INTS8: variants seen among roughly 807,000 people sequenced by gnomAD.
INTS8 encodes the protein protein kaonashi-1.
A neutral mutation model predicts 138.9 loss-of-function variants in INTS8; 47 were observed. The observed-to-expected ratio is 0.34, with a 90% CI of 0.27 to 0.43. The LOEUF is 0.43. INTS8 is among the 20% of genes least tolerant of loss of function. The probability of loss-of-function intolerance (pLI) is 1.00; values close to 1 mark genes in which losing one functional copy is unlikely to be tolerated. For synonymous variants in INTS8, 392 were observed against 400.9 expected, an observed-to-expected ratio of 0.98 and a Z score of 0.27; for missense variants, 996 against 1,173.0, an observed-to-expected ratio of 0.85 and a Z score of 2.20.
intron 15 of INTS8, among the ~76,000 whole-genome samples, chr8:94,858,125 TAGTTA>T (rs1815821218): frequency 6.6e-6 from 1 of 152,210 alleles, no homozygotes; most frequent in African/African-American, 2.4e-5. Context: ...AAATCTTTCT[TAGTTA>T]AAGCCGTTTC....
chr8:94,854,466 A>G (rs1815672272), intron 14 of INTS8, among the ~76,000 whole-genome samples: 1 of 152,212 alleles, frequency 6.6e-6, no homozygotes, highest in Non-Finnish European at 1.5e-5. Flanking sequence ...TGTATTCTTT[A>G]GGATTCAGCT....
intron 16 of INTS8, among the ~76,000 whole-genome samples, chr8:94,862,853 C>T (rs1395806900): frequency 6.6e-6 from 1 of 151,402 alleles, no homozygotes; most frequent in Admixed American, 6.6e-5. Context: ...GTGGAATGCA[C>T]CACACACACA....
chr8:94,841,601 T>C lies in INTS8; in HGVS notation c.1118+10T>C. Reference sequence around the variant, plus strand: ...AGAAAGCTCAACAGGGGTAAGTAAGTTGAAAAATTACTTCTTGATTTTTGA... The same window carrying C: ...AGAAAGCTCAACAGGGGTAAGTAAGCTGAAAAATTACTTCTTGATTTTTGA... On this transcript the variant is annotated intron_variant, in intron 9 of 26. Transcript: ENST00000523731. The C allele has an allele frequency of 7.1e-7, 1 of 1,407,982 alleles. No homozygotes were observed. The highest frequency in any genetic ancestry group is 9.9e-7 in the Non-Finnish European group (1 of 1,012,154). The allele number at this position is 1,407,982 out of a possible 1,614,324, so 87.2% of individuals were successfully genotyped here. A position where few individuals can be genotyped will look rare whatever the true frequency, so the allele number is the denominator to read the frequency against.
chr8:94,860,282 T>TA (rs11452775), intron 16 of INTS8: 77,484 of 149,042 alleles, frequency 0.52, 20,074 homozygotes, highest in East Asian at 0.65. Flanking sequence ...GTTTTACAGT[T>TA]AAAAAAAAAA....
intron 6 of INTS8, among the ~76,000 whole-genome samples, chr8:94,835,787 A>G (rs1176624434): frequency 6.6e-6 from 1 of 152,016 alleles, no homozygotes; most frequent in Non-Finnish European, 1.5e-5. Context: ...TTTAGTAGAG[A>G]TAGGGTTTCA....
intron 15 of INTS8, 75 bp from the exon 16 acceptor site, chr8:94,859,436 C>A: frequency 2.1e-6 from 3 of 1,436,380 alleles, no homozygotes; most frequent in Non-Finnish European, 1.9e-6. Context: ...CAGTTGAAAT[C>A]TGAGCAAGTA....
intron 18 of INTS8, 82 bp from the exon 19 acceptor site, chr8:94,867,058 T>A: frequency 9.6e-7 from 1 of 1,044,320 alleles, no homozygotes; most frequent in Non-Finnish European, 1.4e-6. Context: ...TTTAGAATGC[T>A]TGATGTCTGT....
In INTS8 at chr8:94,842,351, G is replaced by A; in HGVS notation, c.1123G>A (p.Glu375Lys). ...ATCTACTTTTGTATTCTACAGAAAT[G>A]AAGCTCTAGATGAAATCTGTTTTAA... is the stretch of plus-strand genomic sequence containing the variant. ...ELFKKAQQGN[E>K]ALDEICFKVC... The change falls in exon 10 of 27, where the codon GAA (glutamate) becomes AAA (lysine). Residue 375 changes from glutamate (E) to lysine (K), a missense_variant. By Grantham distance (56) the Glu-to-Lys change is moderately conservative (BLOSUM62 1). Transcript: ENST00000523731. 1 of 1,574,376 alleles carries A rather than the reference G, an allele frequency of 6.4e-7. No individual in the cohort carries two copies.
At chr8:94,869,998 C>T (rs554867591) in intron 20 of INTS8, among the ~76,000 whole-genome samples, 1 of 152,076 alleles carries the variant, frequency 6.6e-6, no homozygotes, top group Non-Finnish European at 1.5e-5. Flanking sequence ...TGTTCCCCAT[C>T]TCTAAAATAG....
chr8:94,879,830 A>G (rs924004657), intron 26 of INTS8: 4 of 190,006 alleles, frequency 2.1e-5, no homozygotes, highest in Admixed American at 1.8e-4. Flanking sequence ...ATCGCCATGT[A>G]GAGCTTACTT....
intron 10 of INTS8, among the ~76,000 whole-genome samples, chr8:94,848,579 A>G (rs1815416691): frequency 6.6e-6 from 1 of 152,202 alleles, no homozygotes; most frequent in Admixed American, 6.5e-5. Context: ...TGGAACTATG[A>G]AATAGATGAT....
At position 94,859,948 on chromosome 8, in the gene INTS8, G is replaced by T. The variant is rs555540155; in HGVS notation, c.2076+316G>T. 6.6e-4 allele frequency: 133 copies of T among 202,666 alleles called. 1 individual carries two copies. The highest frequency in any genetic ancestry group is 6.5e-3 in the Middle Eastern group (3 of 460). The allele number at this position is 202,666 out of a possible 1,614,324, so 12.6% of individuals were successfully genotyped here. ...GTTGCTCTAATCACACTCTAGAACT[G>T]ATGGAGTCCGTCAGGGATGCACTTC... On this transcript the variant is annotated intron_variant, in intron 16 of 26. Coordinates refer to ENST00000523731, the MANE Select transcript of INTS8 (RefSeq NM_017864.4).
At chr8:94,860,567 G>A (rs35106232) in intron 16 of INTS8, among the ~76,000 whole-genome samples, 89,525 of 123,284 alleles carry the variant, frequency 0.73, 31,486 homozygotes, top group Middle Eastern at 0.84. Context: ...CAACAAGAGC[G>A]AAACTCTACC....
intron 2 of INTS8, 25 bp from the exon 3 acceptor site, chr8:94,827,238 A>C (rs1377477025): frequency 6.2e-7 from 1 of 1,606,824 alleles, no homozygotes; most frequent in African/African-American, 1.3e-5. Context: ...TTAATGTGCA[A>C]ACATGTACGT....
rs1053006044 is a variant in INTS8, at chr8:94,829,967, G to C, written c.570+941G>C. On this transcript the variant is annotated intron_variant, in intron 5 of 26. Coordinates refer to ENST00000523731, the MANE Select transcript of INTS8 (RefSeq NM_017864.4). ...AGGCCGGAGTGCAGTGGCGGAGTCA[G>C]CTCACTGCAACTTCGCCTCCCTGCT... 3.9e-5 allele frequency among the ~76,000 whole-genome samples: 6 copies of C among 152,144 alleles called. No homozygotes were observed. In the East Asian group the frequency reaches 7.7e-4, roughly 20 times the overall value.
At chr8:94,862,905 A>G (rs1234086860) in intron 16 of INTS8, among the ~76,000 whole-genome samples, 5 of 152,190 alleles carry the variant, frequency 3.3e-5, no homozygotes, top group African/African-American at 4.8e-5. Flanking sequence ...GGATATTAAC[A>G]GCCATTATCT....
chr8:94,865,066 G>A (rs1816126799), intron 16 of INTS8, among the ~76,000 whole-genome samples: 1 of 151,488 alleles, frequency 6.6e-6, no homozygotes, highest in Non-Finnish European at 1.5e-5. Context: ...GCACGTGGGA[G>A]AGAGAGAGAT....
intron 20 of INTS8, chr8:94,868,834 CTATT>C (rs1293880893): frequency 6.6e-6 from 1 of 151,958 alleles, no homozygotes; most frequent in African/African-American, 2.4e-5. Flanking sequence ...CCACCCCCAG[CTATT>C]TATTTGTATT....
At chr8:94,870,707 C>T (rs1450701667) in intron 20 of INTS8, among the ~76,000 whole-genome samples, 1 of 152,140 alleles carries the variant, frequency 6.6e-6, no homozygotes, top group Non-Finnish European at 1.5e-5. Context: ...AATTCATTTT[C>T]CACTGTACTG....
Sources: allele counts gnomAD v4.1 joint callset (sites outside exome capture counted in the v4.1 genomes callset), GRCh38; gene constraint gnomAD v4.1.1; transcripts MANE v1.5; gene names NCBI Gene and HGNC (gene_info 2026-07-23, HGNC 2026-07-21).